The following ZNF790 variants were observed in gnomAD, a reference collection of about 807,000 sequenced individuals.
The protein encoded by ZNF790 is zinc finger protein 790.
A neutral mutation model predicts 12.1 loss-of-function variants in ZNF790; 8 were observed. The observed-to-expected ratio is 0.66, with a 90% CI of 0.39 to 1.19. The LOEUF is 1.19. Among genes scored for constraint, ZNF790 ranks in the 50% most tolerant of loss-of-function variants. The pLI, the probability that ZNF790 is intolerant of heterozygous loss-of-function variation, is 0.01. For missense variants in ZNF790, 707 were observed against 752.2 expected, an observed-to-expected ratio of 0.94 and a Z score of 0.70; for synonymous variants, 252 against 244.3, an observed-to-expected ratio of 1.03 and a Z score of -0.29.
At chr19:36,845,042 C>A (rs1300894476) in intron 1 of ZNF790, among the ~76,000 whole-genome samples, 1 of 75,794 alleles carries the variant, frequency 1.3e-5, no homozygotes, top group African/African-American at 5.6e-5. Context: ...AGCGAGACTC[C>A]GTCTCAAAAA....
At chr19:36,820,365 A>T (rs947561138) in intron 4 of ZNF790, among the ~76,000 whole-genome samples, 1 of 152,244 alleles carries the variant, frequency 6.6e-6, no homozygotes, top group Non-Finnish European at 1.5e-5. Flanking sequence ...ATAAAAAATG[A>T]TTATCCAGGT....
intron 4 of ZNF790, among the ~76,000 whole-genome samples, chr19:36,820,417 A>G (rs964205662): frequency 6.6e-6 from 1 of 152,228 alleles, no homozygotes; most frequent in African/African-American, 2.4e-5. Flanking sequence ...AATACCTACA[A>G]GTTTCCAAGT....
chr19:36,849,222 C>T (rs1285266029), intron 1 of ZNF790, among the ~76,000 whole-genome samples: 1 of 152,114 alleles, frequency 6.6e-6, no homozygotes, highest in Non-Finnish European at 1.5e-5. Context: ...CCACCATGCC[C>T]GGCCCTTCCT....
At chr19:36,826,600 A>G (rs886200101) in intron 1 of ZNF790, among the ~76,000 whole-genome samples, 3 of 114,846 alleles carry the variant, frequency 2.6e-5, no homozygotes, top group East Asian at 4.1e-4. Context: ...AAAATTATAT[A>G]TAGATAATTT....
upstream of ZNF790, among the ~76,000 whole-genome samples, chr19:36,842,966 C>T (rs1267210621): frequency 2.0e-5 from 3 of 148,084 alleles, no homozygotes; most frequent in Non-Finnish European, 4.4e-5. Context: ...GATCGCACCA[C>T]CACACTCCAG....
At chr19:36,834,320 CA>C (rs2072001389) in intron 1 of ZNF790, among the ~76,000 whole-genome samples, 1 of 147,162 alleles carries the variant, frequency 6.8e-6, no homozygotes, top group Non-Finnish European at 1.5e-5. Flanking sequence ...ATACAATACA[CA>C]AAGCTGACAA....
chr19:36,836,461 A>AAC (rs202006771), intron 1 of ZNF790, among the ~76,000 whole-genome samples: 38 of 151,914 alleles, frequency 2.5e-4, no homozygotes, highest in East Asian at 5.8e-4. Flanking sequence ...CTAAAAAAAA[A>AAC]ACACACACAC....
chr19:36,841,150 GGA>G (rs1331127727), upstream of ZNF790, among the ~76,000 whole-genome samples: 1 of 152,176 alleles, frequency 6.6e-6, no homozygotes, highest in Non-Finnish European at 1.5e-5. Flanking sequence ...AGTCACAACT[GGA>G]GAGGTACAAT....
At position 36,819,133 on chromosome 19, in the gene ZNF790, A is replaced by T; in HGVS notation, c.1211T>A (p.Ile404Asn). Residue 404 changes from isoleucine to asparagine, a missense_variant, in exon 5 of 5, where the codon ATT becomes AAT. By Grantham distance (149) the Ile-to-Asn change is moderately radical. Transcript: ENST00000356725. ...YKCEKCGKAY[I>N]WSSHLARHQR... ...ATGTCGAGCAAGGTGTGAGCTCCAA[A>T]TATAGGCTTTCCCACATTTCTCACA... 1 of 1,613,596 alleles carries T rather than the reference A, an allele frequency of 6.2e-7. No homozygotes were observed. Among genetic ancestry groups the T allele is most frequent in the Non-Finnish European group, 8.5e-7 (1 of 1,179,780 alleles).
upstream of ZNF790, among the ~76,000 whole-genome samples, chr19:36,840,089 T>A (rs2072117237): frequency 6.6e-6 from 1 of 152,130 alleles, no homozygotes; most frequent in Non-Finnish European, 1.5e-5. Flanking sequence ...AGTTTTAATC[T>A]TGCTGTGAAA....
chr19:36,825,474 C>A, intron 2 of ZNF790, 137 bp downstream of exon 2: 1 of 938,708 alleles, frequency 1.1e-6, no homozygotes. Context: ...CTAGGGAAAG[C>A]ATTGGACTGT....
upstream of ZNF790, chr19:36,838,517 G>C (rs2146087173): frequency 6.6e-6 from 1 of 152,462 alleles, no homozygotes; most frequent in African/African-American, 2.4e-5. The surrounding 1 kb of genome is among the most constrained non-coding windows in gnomAD (Gnocchi z 4.4). Flanking sequence ...CTGCATTTGA[G>C]CCCCATCCCC....
intron 1 of ZNF790, among the ~76,000 whole-genome samples, chr19:36,833,738 T>C (rs996885938): frequency 6.6e-6 from 1 of 152,162 alleles, no homozygotes; most frequent in Admixed American, 6.5e-5. Flanking sequence ...TGAATTTATA[T>C]GAGGAAAACA....
At position 36,817,578 on chromosome 19, in the gene ZNF790, C is replaced by G. The variant is rs2071577132; in HGVS notation, c.*855G>C. 6.6e-6 allele frequency: 1 copy of G among 151,356 alleles called. No individual in the cohort carries two copies. Among genetic ancestry groups the G allele is most frequent in the South Asian group, 2.1e-4 (1 of 4,804 alleles). The allele number at this position is 151,356 out of a possible 1,614,324, so 9.4% of individuals were successfully genotyped here. The stretch of plus-strand genomic sequence containing the variant: ...GCTTAATACCAATACAAATGACAGT[C>G]ACTAAGTCATGTAAATCTCAAATCA... On this transcript the variant is annotated 3_prime_UTR_variant, in exon 5 of 5. Transcript: ENST00000356725.
intron 2 of ZNF790, among the ~76,000 whole-genome samples, chr19:36,824,556 C>A (rs942587474): frequency 2.0e-5 from 3 of 152,168 alleles, no homozygotes; most frequent in African/African-American, 7.2e-5. Context: ...GATCCACCCA[C>A]CTTGGCCTCC....
At chr19:36,837,122 G>T (rs2072062283) in intron 1 of ZNF790, among the ~76,000 whole-genome samples, 1 of 152,084 alleles carries the variant, frequency 6.6e-6, no homozygotes, top group African/African-American at 2.4e-5. Context: ...TCTACTATAA[G>T]AAGTCCCAGA....
chr19:36,832,968 CCTT>C (rs1051718347), intron 1 of ZNF790, among the ~76,000 whole-genome samples: 12 of 115,900 alleles, frequency 1.0e-4, no homozygotes, highest in Admixed American at 5.2e-4. Context: ...AAGAATGAGA[CCTT>C]CTCTAAAAAA....
chr19:36,821,548 G>A (rs2071671882), intron 4 of ZNF790, among the ~76,000 whole-genome samples: 1 of 152,070 alleles, frequency 6.6e-6, no homozygotes, highest in South Asian at 2.1e-4. Context: ...AGAATACGGG[G>A]AACTAGACAA....
intron 1 of ZNF790, among the ~76,000 whole-genome samples, chr19:36,837,034 A>G (rs1160956880): frequency 6.6e-6 from 1 of 152,116 alleles, no homozygotes; most frequent in Admixed American, 6.6e-5. Flanking sequence ...ATCATCTTTC[A>G]CTATCCCACG....
Sources: allele counts gnomAD v4.1 joint callset (sites outside exome capture counted in the v4.1 genomes callset), GRCh38; gene constraint gnomAD v4.1.1; non-coding constraint Gnocchi (gnomAD v3.1); transcripts MANE v1.5; gene names NCBI Gene and HGNC (gene_info 2026-07-23, HGNC 2026-07-21).